NEGR1: variants seen among roughly 807,000 people sequenced by gnomAD.
The protein encoded by NEGR1 is IgLON family member 4.
Under a neutral mutation model 40.9 loss-of-function variants are expected in NEGR1, and 10 were observed. That is an observed-to-expected ratio of 0.24 (90% CI 0.15 to 0.42). The LOEUF is 0.42. NEGR1 is among the 10% of genes least tolerant of loss of function. The pLI, the probability that NEGR1 is intolerant of heterozygous loss-of-function variation, is 1.00. For synonymous variants in NEGR1, 185 were observed against 166.8 expected, an observed-to-expected ratio of 1.11 and a Z score of -0.84; for missense variants, 352 against 438.9, an observed-to-expected ratio of 0.80 and a Z score of 1.77.
chr1:71,825,964 C>A (rs1658606734), intron 2 of NEGR1, among the ~76,000 whole-genome samples: 1 of 151,880 alleles, frequency 6.6e-6, no homozygotes, highest in Admixed American at 6.6e-5. Context: ...ACCTGTCTCT[C>A]ACATATAGAA....
At chr1:71,770,872 C>T (rs1425246157) in intron 3 of NEGR1, among the ~76,000 whole-genome samples, 1 of 152,140 alleles carries the variant, frequency 6.6e-6, no homozygotes, top group Non-Finnish European at 1.5e-5. Flanking sequence ...TTAGTTCAAC[C>T]ATTGTGGAAG....
intron 2 of NEGR1, among the ~76,000 whole-genome samples, chr1:71,797,266 C>G (rs1657367335): frequency 6.6e-6 from 1 of 152,158 alleles, no homozygotes; most frequent in Non-Finnish European, 1.5e-5. Context: ...TGAGACCAAA[C>G]TGATCATAAG....
intron 1 of NEGR1, among the ~76,000 whole-genome samples, chr1:72,135,012 C>A (rs1381820250): frequency 6.7e-6 from 1 of 149,946 alleles, no homozygotes; most frequent in Non-Finnish European, 1.5e-5. Context: ...GCTGGGATTA[C>A]AGGCGTGAGC....
intron 2 of NEGR1, among the ~76,000 whole-genome samples, chr1:71,897,317 C>G (rs1322978678): frequency 6.6e-6 from 1 of 152,056 alleles, no homozygotes; most frequent in Non-Finnish European, 1.5e-5. Context: ...TAAACCAGGA[C>G]AAGAAGCAAT....
chr1:71,942,475 ATATATATATTTTTTTTTTTTT>A lies in NEGR1; in HGVS notation c.177-7185_177-7165del, dbSNP rs1337393080. On this transcript the variant is annotated intron_variant, in intron 1 of 6. Transcript: ENST00000357731. The stretch of plus-strand genomic sequence containing the variant: ...TAAATCTATATATATATATATATAT[ATATATATATTTTTTTTTTTTT>A]TTTTTTTTTTTTTTTTTTTTTTTGA... 8.6e-4 allele frequency among the ~76,000 whole-genome samples: 12 copies of A among 13,956 alleles called. 1 individual carries two copies. Among genetic ancestry groups the A allele is most frequent in the African/African-American group, 2.9e-3 (12 of 4,200 alleles). 9.2% of individuals were successfully genotyped at this position (13,956 alleles called of 152,430 possible).
At chr1:72,069,426 A>C (rs147496631) in intron 1 of NEGR1, among the ~76,000 whole-genome samples, 1 of 151,902 alleles carries the variant, frequency 6.6e-6, no homozygotes, top group African/African-American at 2.4e-5. Flanking sequence ...CTTGGGTGAC[A>C]CAGCAAGACT....
At chr1:71,463,053 G>A (rs1453246772) in intron 6 of NEGR1, among the ~76,000 whole-genome samples, 16 of 152,212 alleles carry the variant, frequency 1.1e-4, no homozygotes, top group African/African-American at 2.4e-5. Context: ...TAGGTACATG[G>A]CACTCCTCTA....
intron 2 of NEGR1, among the ~76,000 whole-genome samples, chr1:71,927,906 G>C: frequency 6.8e-6 from 1 of 146,306 alleles, no homozygotes; most frequent in Non-Finnish European, 1.5e-5. Context: ...GCTGAGGTGG[G>C]AGGATCACCT....
chr1:71,626,983 A>G (rs1265915319), intron 4 of NEGR1, among the ~76,000 whole-genome samples: 1 of 152,098 alleles, frequency 6.6e-6, no homozygotes, highest in Non-Finnish European at 1.5e-5. Context: ...GATCATTCAA[A>G]AGTCAGGAAA....
intron 1 of NEGR1, among the ~76,000 whole-genome samples, chr1:72,141,270 C>T (rs1177456930): frequency 1.3e-5 from 2 of 151,912 alleles, no homozygotes; most frequent in African/African-American, 4.8e-5. Context: ...GATATAAGAA[C>T]ACTTTGTAAA....
At chr1:71,886,452 T>TG (rs145213790) in intron 2 of NEGR1, among the ~76,000 whole-genome samples, 1 of 145,442 alleles carries the variant, frequency 6.9e-6, no homozygotes, top group African/African-American at 2.6e-5. Context: ...TCTTAGTTTA[T>TG]GGGGGAAAAA....
chr1:71,999,457 G>C (rs1646535180), intron 1 of NEGR1, among the ~76,000 whole-genome samples: 1 of 150,724 alleles, frequency 6.6e-6, no homozygotes, highest in African/African-American at 2.4e-5. Flanking sequence ...AAATATATCA[G>C]AATAAGCAAG....
intron 1 of NEGR1, among the ~76,000 whole-genome samples, chr1:72,136,743 A>T (rs1385328962): frequency 2.0e-5 from 3 of 152,096 alleles, no homozygotes; most frequent in Non-Finnish European, 4.4e-5. Flanking sequence ...CAAAATAGAC[A>T]AATGGGATCT....
intron 6 of NEGR1, among the ~76,000 whole-genome samples, chr1:71,543,898 T>C (rs1647800069): frequency 6.6e-6 from 1 of 151,694 alleles, no homozygotes; most frequent in Non-Finnish European, 1.5e-5. Context: ...AGTGGTTAAG[T>C]TGGATAGAAT....
At chr1:71,621,804 G>C (rs1650617121) in intron 4 of NEGR1, among the ~76,000 whole-genome samples, 1 of 151,616 alleles carries the variant, frequency 6.6e-6, no homozygotes, top group East Asian at 1.9e-4. Flanking sequence ...TTTTTCAAGG[G>C]GTTGAATTTA....
intron 1 of NEGR1, among the ~76,000 whole-genome samples, chr1:72,104,043 C>A (rs1649042228): frequency 6.6e-6 from 1 of 151,992 alleles, no homozygotes; most frequent in South Asian, 2.1e-4. Flanking sequence ...AATTTGGTTC[C>A]TTCCTTCCTA....
chr1:72,054,268 C>T (rs145134103), intron 1 of NEGR1, among the ~76,000 whole-genome samples: 1 of 151,308 alleles, frequency 6.6e-6, no homozygotes, highest in African/African-American at 2.4e-5. Context: ...TGTTGCTGAG[C>T]AAATGACTGC....
intron 6 of NEGR1, among the ~76,000 whole-genome samples, chr1:71,512,826 C>A (rs1047911148): frequency 1.3e-5 from 2 of 151,884 alleles, no homozygotes; most frequent in Non-Finnish European, 2.9e-5. Flanking sequence ...GTGATCCACC[C>A]GCCTTGGCCT....
At chr1:71,795,740 A>T (rs1340054770) in intron 2 of NEGR1, among the ~76,000 whole-genome samples, 1 of 152,184 alleles carries the variant, frequency 6.6e-6, no homozygotes, top group Non-Finnish European at 1.5e-5. Context: ...CTGAAAAACA[A>T]AATGCTGAGT....
Sources: allele counts gnomAD v4.1 joint callset (sites outside exome capture counted in the v4.1 genomes callset), GRCh38; gene constraint gnomAD v4.1.1; transcripts MANE v1.5; gene names NCBI Gene and HGNC (gene_info 2026-07-23, HGNC 2026-07-21).